The following EXOC4 variants were observed in gnomAD, a reference collection of about 807,000 sequenced individuals.
The protein encoded by EXOC4 is exocyst complex component 4.
A neutral mutation model predicts 107.2 loss-of-function variants in EXOC4; 71 were observed. The ratio of observed to expected loss-of-function variants is 0.66; its 90% CI spans 0.55 to 0.81. The LOEUF is 0.81. EXOC4 is among the 30% of genes least tolerant of loss of function. The pLI, the probability that EXOC4 is intolerant of heterozygous loss-of-function variation, is 0.00. For synonymous variants in EXOC4, 456 were observed against 441.2 expected (o/e 1.03, Z -0.42); for missense variants, 1,108 against 1,189.6 (o/e 0.93, Z 1.01).
intron 4 of EXOC4, 144 bp from the exon 5 acceptor site, chr7:133,317,140 C>A: frequency 1.7e-6 from 1 of 594,442 alleles, no homozygotes. Flanking sequence ...CTGGGGAGAT[C>A]CAGTATAGTA....
At chr7:133,541,207 T>G (rs1800372797) in intron 9 of EXOC4, among the ~76,000 whole-genome samples, 1 of 152,218 alleles carries the variant, frequency 6.6e-6, no homozygotes, top group Admixed American at 6.5e-5. Flanking sequence ...TTGTGCACTA[T>G]GCAGGAAGTA....
chr7:133,691,488 A>G (rs1794417634), intron 10 of EXOC4, among the ~76,000 whole-genome samples: 1 of 152,240 alleles, frequency 6.6e-6, no homozygotes, highest in Non-Finnish European at 1.5e-5. Flanking sequence ...ACAACAGAGT[A>G]AATAAAATAT....
intron 11 of EXOC4, among the ~76,000 whole-genome samples, chr7:133,830,636 G>C (rs1417537416): frequency 6.6e-6 from 1 of 152,164 alleles, no homozygotes; most frequent in Non-Finnish European, 1.5e-5. Flanking sequence ...TTATTTCAGA[G>C]AAGTTATAGA....
chr7:133,920,128 A>G (rs1409795047), intron 13 of EXOC4, among the ~76,000 whole-genome samples: 1 of 152,168 alleles, frequency 6.6e-6, no homozygotes, highest in Non-Finnish European at 1.5e-5. Context: ...GCAATTTCCT[A>G]ATGACATGTG....
At chr7:133,656,903 T>C (rs1803312916) in intron 10 of EXOC4, among the ~76,000 whole-genome samples, 1 of 152,128 alleles carries the variant, frequency 6.6e-6, no homozygotes, top group Non-Finnish European at 1.5e-5. Context: ...ATGAGAGTAA[T>C]TCAGAAGAGC....
At chr7:133,817,696 T>C (rs984835897) in intron 11 of EXOC4, 152 bp downstream of exon 11, 21 of 609,148 alleles carry the variant, frequency 3.4e-5, no homozygotes, top group Non-Finnish European at 5.7e-5. Flanking sequence ...AAATTTAGAT[T>C]TAATGTAGTT....
At chr7:134,042,305 G>C (rs1051378703) in intron 17 of EXOC4, among the ~76,000 whole-genome samples, 1 of 152,124 alleles carries the variant, frequency 6.6e-6, no homozygotes, top group Admixed American at 6.5e-5. Context: ...TAAGTGCTTT[G>C]TGTCTTCATT....
At position 133,736,277 on chromosome 7, in the gene EXOC4, C is replaced by G. The variant is rs2151123017; in HGVS notation, c.1515-81048C>G. On this transcript the variant is annotated intron_variant, in intron 10 of 17. Transcript: ENST00000253861. Reference sequence around the variant, plus strand: ...TTTCTCTACTTTAACCACCCACTGACTCTACTCTTTCTCTTTTGAATATTT... The same window carrying G: ...TTTCTCTACTTTAACCACCCACTGAGTCTACTCTTTCTCTTTTGAATATTT... Among the ~76,000 whole-genome samples, 4 of 152,282 alleles carry G rather than the reference C, an allele frequency of 2.6e-5. No individual in the cohort carries two copies. The South Asian group carries it at 8.3e-4, about 32-fold the overall frequency.
chr7:133,668,745 C>T (rs2151054699), intron 10 of EXOC4, among the ~76,000 whole-genome samples: 1 of 152,254 alleles, frequency 6.6e-6, no homozygotes, highest in African/African-American at 2.4e-5. Context: ...GTCCACCTTC[C>T]TTTGTTTTGA....
chr7:133,506,542 G>A (rs1799668824), intron 9 of EXOC4, among the ~76,000 whole-genome samples: 1 of 152,010 alleles, frequency 6.6e-6, no homozygotes, highest in Admixed American at 6.6e-5. Flanking sequence ...AAAAAATGTT[G>A]CAGTACAGAC....
intron 7 of EXOC4, among the ~76,000 whole-genome samples, chr7:133,401,174 CT>C (rs34379831): frequency 0.01 from 1,479 of 143,018 alleles, 14 homozygotes; most frequent in African/African-American, 0.03. Context: ...CCAGAGCCCA[CT>C]TTTTTTTTTT....
intron 17 of EXOC4, among the ~76,000 whole-genome samples, chr7:134,058,890 T>G (rs1795991108): frequency 6.6e-6 from 1 of 151,976 alleles, no homozygotes; most frequent in South Asian, 2.1e-4. Flanking sequence ...TTTTCTCATA[T>G]GTATAACGTA....
intron 1 of EXOC4, 154 bp downstream of exon 1, chr7:133,253,341 C>T (rs1794937363): frequency 1.4e-6 from 2 of 1,405,264 alleles, no homozygotes; most frequent in Non-Finnish European, 1.9e-6. Context: ...TCCCCAGGGC[C>T]CCAGCAATTC....
At chr7:133,912,053 A>G (rs1318220113) in intron 12 of EXOC4, among the ~76,000 whole-genome samples, 2 of 152,236 alleles carry the variant, frequency 1.3e-5, no homozygotes, top group Non-Finnish European at 2.9e-5. Flanking sequence ...TTAGTTTTTT[A>G]AAAACCATTT....
At chr7:134,014,769 TATGAATTATATCTCG>T (rs1272530942) in intron 17 of EXOC4, among the ~76,000 whole-genome samples, 1 of 152,018 alleles carries the variant, frequency 6.6e-6, no homozygotes, top group African/African-American at 2.4e-5. Context: ...TTATATGGTA[TATGAATTATATCTCG>T]ATGAAGGAGT....
chr7:133,840,452 A>C (rs181741688), intron 11 of EXOC4, among the ~76,000 whole-genome samples: 1 of 151,804 alleles, frequency 6.6e-6, no homozygotes, highest in Non-Finnish European at 1.5e-5. Flanking sequence ...GCAGGAGAGC[A>C]CTTGGGATAA....
At chr7:134,006,894 CT>C (rs937428229) in intron 16 of EXOC4, among the ~76,000 whole-genome samples, 6 of 152,162 alleles carry the variant, frequency 3.9e-5, no homozygotes, top group Admixed American at 2.6e-4. Flanking sequence ...CTGAGGAGGA[CT>C]TATTAGTTTG....
intron 11 of EXOC4, among the ~76,000 whole-genome samples, chr7:133,824,992 A>G (rs1164232020): frequency 6.6e-6 from 1 of 152,136 alleles, no homozygotes; most frequent in Non-Finnish European, 1.5e-5. Context: ...ACTCATAACT[A>G]GAATGCAATC....
intron 11 of EXOC4, among the ~76,000 whole-genome samples, chr7:133,830,874 A>G (rs1025675131): frequency 6.6e-6 from 1 of 152,184 alleles, no homozygotes; most frequent in African/African-American, 2.4e-5. Context: ...TCGGGATACC[A>G]CAATACATTT....
Sources: allele counts gnomAD v4.1 joint callset (sites outside exome capture counted in the v4.1 genomes callset), GRCh38; gene constraint gnomAD v4.1.1; transcripts MANE v1.5; gene names NCBI Gene and HGNC (gene_info 2026-07-23, HGNC 2026-07-21).